Variants in WDPCP observed in about 807,000 individuals in gnomAD.
WDPCP encodes the protein WD repeat-containing and planar cell polarity effector protein fritz homolog.
WDPCP carries 71 observed loss-of-function variants against 93.1 expected under a neutral mutation model. The observed-to-expected ratio is 0.76, with a 90% confidence interval of 0.63 to 0.93. WDPCP has a LOEUF of 0.93. Ranked by LOEUF, WDPCP falls within the 40% of genes least tolerant of loss-of-function variation. The pLI is 0.00. For missense variants in WDPCP, 844 were observed against 887.4 expected (o/e 0.95, Z 0.62); for synonymous variants, 315 against 315.0 (o/e 1.00, Z 0.00).
intron 12 of WDPCP, among the ~76,000 whole-genome samples, chr2:63,365,773 C>A (rs963122916): frequency 1.3e-5 from 2 of 152,108 alleles, no homozygotes; most frequent in East Asian, 1.9e-4. Context: ...CCTTACCACT[C>A]GCAGAACTAA....
At chr2:63,326,459 A>C (rs1044261617) in intron 12 of WDPCP, among the ~76,000 whole-genome samples, 1 of 152,164 alleles carries the variant, frequency 6.6e-6, no homozygotes, top group African/African-American at 2.4e-5. Context: ...AGTTAGCAGA[A>C]CTAGTGGCAC....
chr2:63,146,463 C>T (rs1293754237), intron 17 of WDPCP, among the ~76,000 whole-genome samples: 1 of 144,098 alleles, frequency 6.9e-6, no homozygotes, highest in Non-Finnish European at 1.5e-5. Context: ...GGAGTGCAGT[C>T]GTGCAGTCTT....
At chr2:63,595,622 G>A in intron 3 of WDPCP, 1 of 715,716 alleles carries the variant, frequency 1.4e-6, no homozygotes, top group Non-Finnish European at 2.4e-6. Flanking sequence ...TATTTCATAA[G>A]AGGATTTTTT....
chr2:63,630,107 A>G (rs1458574746), intron 3 of WDPCP, among the ~76,000 whole-genome samples: 1 of 152,246 alleles, frequency 6.6e-6, no homozygotes, highest in East Asian at 1.9e-4. Flanking sequence ...TGCAATATCT[A>G]CAGCAACCAT....
intron 3 of WDPCP, chr2:63,595,370 G>C (rs1709287890): frequency 1.8e-6 from 2 of 1,083,740 alleles, no homozygotes; most frequent in Non-Finnish European, 2.9e-6. Flanking sequence ...AGACTTTCTT[G>C]TGTCTAAATG....
At chr2:63,271,274 T>A (rs1682615473) in intron 13 of WDPCP, among the ~76,000 whole-genome samples, 1 of 152,216 alleles carries the variant, frequency 6.6e-6, no homozygotes, top group Non-Finnish European at 1.5e-5. Context: ...TGCACATACC[T>A]TTGAGGAGCC....
At chr2:63,296,565 A>T (rs1575083523) in intron 13 of WDPCP, among the ~76,000 whole-genome samples, 1 of 152,184 alleles carries the variant, frequency 6.6e-6, no homozygotes, top group Admixed American at 6.6e-5. Context: ...CCTCCAACAG[A>T]CTTCTAGACT....
At chr2:63,676,825 G>A (rs1710409379) in intron 2 of WDPCP, among the ~76,000 whole-genome samples, 1 of 151,814 alleles carries the variant, frequency 6.6e-6, no homozygotes. Flanking sequence ...ATGTACACAA[G>A]TCCATGTATA....
intron 10 of WDPCP, among the ~76,000 whole-genome samples, chr2:63,401,220 G>A (rs1280075773): frequency 2.0e-5 from 3 of 152,106 alleles, no homozygotes. Context: ...TCTACAGAAT[G>A]GGAGAAAAGT....
At chr2:63,125,771 G>A (rs1382442783) in intron 17 of WDPCP, among the ~76,000 whole-genome samples, 1 of 152,030 alleles carries the variant, frequency 6.6e-6, no homozygotes, top group African/African-American at 2.4e-5. Flanking sequence ...ACCACATCTG[G>A]CTAATTTTTT....
At chr2:63,545,368 G>T (rs1705072063) in intron 1 of WDPCP, among the ~76,000 whole-genome samples, 1 of 151,094 alleles carries the variant, frequency 6.6e-6, no homozygotes, top group South Asian at 2.1e-4. Context: ...AGAGAGAGGA[G>T]GGAGAGAAAG....
intron 3 of WDPCP, among the ~76,000 whole-genome samples, chr2:63,642,137 T>C (rs1709987367): frequency 2.0e-5 from 3 of 152,176 alleles, no homozygotes; most frequent in Non-Finnish European, 4.4e-5. Context: ...TCCACTGGTT[T>C]ATATGTCTGT....
At chr2:63,385,687 C>T (rs1692674503) in intron 10 of WDPCP, among the ~76,000 whole-genome samples, 1 of 151,862 alleles carries the variant, frequency 6.6e-6, no homozygotes, top group African/African-American at 2.4e-5. Flanking sequence ...ATCATTCCTC[C>T]CTAAAATGAT....
intron 14 of WDPCP, among the ~76,000 whole-genome samples, chr2:63,183,811 G>GGT (rs1181632060): frequency 1.3e-5 from 2 of 152,014 alleles, no homozygotes; most frequent in Non-Finnish European, 2.9e-5. Flanking sequence ...TCCAGTGTTT[G>GGT]GTGTGTATAT....
At chr2:63,136,248 C>G (rs181211291) in intron 17 of WDPCP, among the ~76,000 whole-genome samples, 37 of 152,132 alleles carry the variant, frequency 2.4e-4, no homozygotes, top group African/African-American at 7.9e-4. Flanking sequence ...TCTCATGAAG[C>G]CTAGAGCTAG....
chr2:63,561,956 G>C (rs781155602), intron 1 of WDPCP, among the ~76,000 whole-genome samples: 1 of 152,200 alleles, frequency 6.6e-6, no homozygotes, highest in Non-Finnish European at 1.5e-5. Context: ...GTGAAAAACA[G>C]TGTGATGATT....
chr2:63,528,451 C>A (rs1435170262), intron 1 of WDPCP, among the ~76,000 whole-genome samples: 4 of 152,160 alleles, frequency 2.6e-5, no homozygotes, highest in African/African-American at 9.7e-5. Flanking sequence ...CCAGTTTTCC[C>A]AGCACCATTT....
chr2:63,152,197 CAA>C (rs1192190598), intron 17 of WDPCP, among the ~76,000 whole-genome samples: 1 of 151,270 alleles, frequency 6.6e-6, no homozygotes, highest in Non-Finnish European at 1.5e-5. Context: ...AAACATATAC[CAA>C]AGAGAGAATG....
chr2:63,271,047 C>T lies in WDPCP; in HGVS notation c.1813-11638G>A, dbSNP rs115706357. Among the ~76,000 whole-genome samples the T allele has an allele frequency of 4.3e-3, 660 of 152,316 alleles. 4 individuals are homozygous for T. The highest frequency in any genetic ancestry group is 0.014 in the African/African-American group (598 of 41,580). ...CCAGAGGGCTGTAGCATTGAGGCAC[C>T]GGCTAGACTCAGGTATGCCCAGGTT... On this transcript the variant is annotated intron_variant, in intron 13 of 17. Coordinates refer to ENST00000272321, the MANE Select transcript of WDPCP (RefSeq NM_015910.7).
Sources: allele counts gnomAD v4.1 joint callset (sites outside exome capture counted in the v4.1 genomes callset), GRCh38; gene constraint gnomAD v4.1.1; transcripts MANE v1.5; gene names NCBI Gene and HGNC (gene_info 2026-07-23, HGNC 2026-07-21).